TRMT6: variants seen among roughly 807,000 people sequenced by gnomAD.
TRMT6 encodes tRNA methyltransferase 6 non-catalytic subunit.
A neutral mutation model predicts 59.0 loss-of-function variants in TRMT6; 34 were observed. The observed-to-expected ratio is 0.58, with a 90% confidence interval of 0.44 to 0.77. TRMT6 has a LOEUF of 0.77. Among genes scored for constraint, TRMT6 ranks in the 30% least tolerant of loss-of-function variants. The pLI, the probability that TRMT6 is intolerant of heterozygous loss-of-function variation, is 0.00. For missense variants in TRMT6, 575 were observed against 604.5 expected, an observed-to-expected ratio of 0.95 and a Z score of 0.51; for synonymous variants, 217 against 210.5, an observed-to-expected ratio of 1.03 and a Z score of -0.27.
intron 8 of TRMT6, 105 bp from the exon 9 acceptor site, chr20:5,941,450 A>G (rs2088655349): frequency 1.3e-6 from 1 of 780,902 alleles, no homozygotes. Context: ...CATGACTCAC[A>G]AAGAGAAGAG....
In TRMT6 at chr20:5,937,743, T is replaced by C. The variant is rs2088619831; in HGVS notation, c.*792A>G. On this transcript the variant is annotated 3_prime_UTR_variant, in exon 11 of 11. Coordinates refer to ENST00000203001, the MANE Select transcript of TRMT6 (RefSeq NM_015939.5). ...CCACTTGCATGTGTATGTATATATC[T>C]GTGTATATATAAATATATGTGTGTA... 6.6e-6 allele frequency: 1 copy of C among 152,242 alleles called. No individual in the cohort carries two copies. Among genetic ancestry groups the C allele is most frequent in the Non-Finnish European group, 1.5e-5 (1 of 68,042 alleles). 9.4% of individuals were successfully genotyped at this position (152,242 alleles called of 1,614,324 possible). A position where few individuals can be genotyped will look rare whatever the true frequency, so the allele number is the denominator to read the frequency against.
intron 2 of TRMT6, 27 bp from the exon 3 acceptor site, chr20:5,944,941 A>G: frequency 1.3e-6 from 2 of 1,537,574 alleles, no homozygotes; most frequent in Non-Finnish European, 1.8e-6. Context: ...CTCTATTGAC[A>G]TTTATGGTCT....
chr20:5,948,114 C>T (rs759267841), intron 1 of TRMT6, among the ~76,000 whole-genome samples: 27 of 152,012 alleles, frequency 1.8e-4, no homozygotes, highest in Non-Finnish European at 3.7e-4. Context: ...AGTGAGATCC[C>T]GTCTCACAAA....
chr20:5,941,729 G>C, intron 8 of TRMT6: 1 of 574,444 alleles, frequency 1.7e-6, no homozygotes, highest in Non-Finnish European at 3.1e-6. Flanking sequence ...TCTTGATGCA[G>C]TGATGGAGAA....
At position 5,938,626 on chromosome 20, in the gene TRMT6, G is replaced by A. The variant is rs975157272; in HGVS notation, c.1403C>T (p.Thr468Ile). ...TVAMDNLKAD[T>I]SLKSNASTLE... ...AGTGCTTGCATTAGATTTGAGGCTG[G>A]TGTCTGCTTTAAGGTTGTCCATGGC... The change falls in exon 11 of 11, where the codon ACC (threonine) becomes ATC (isoleucine). Residue 468 changes from threonine (T) to isoleucine (I), a missense_variant. Transcript: ENST00000203001. 7.4e-6 allele frequency: 12 copies of A among 1,614,066 alleles called. No homozygotes were observed. The highest frequency in any genetic ancestry group is 9.3e-6 in the Non-Finnish European group (11 of 1,180,034).
In TRMT6 at chr20:5,942,728, T is replaced by C. The variant is rs748601597; in HGVS notation, c.726A>G (p.Ala242=). The change falls in exon 7 of 11, where the codon GCA becomes GCG. Residue 242 remains alanine, a synonymous_variant. Transcript: ENST00000203001. ...PGGGPVRAAT[A]CFGFPKSFLS... ...GAAAAGATTTGGGAAATCCAAAACA[T>C]GCTGTTGCTGCCCGAACAGGTCCTC... 1.9e-6 allele frequency: 3 copies of C among 1,614,058 alleles called. No homozygotes were observed. The highest frequency in any genetic ancestry group is 2.5e-6 in the Non-Finnish European group (3 of 1,179,998).
Position 5,941,965 on chromosome 20 carries a change from T to C in TRMT6, c.1098A>G (p.Glu366=). 6.2e-7 allele frequency: 1 copy of C among 1,613,456 alleles called. No individual in the cohort carries two copies. Among genetic ancestry groups the C allele is most frequent in the East Asian group, 2.2e-5 (1 of 44,890 alleles). ...CATCAACGCACCCATCTGCGTTTCTTTCACTCAGCAGAGCGGCAGCCTCTA... is the reference window on the plus strand; with the variant it reads ...CATCAACGCACCCATCTGCGTTTCTCTCACTCAGCAGAGCGGCAGCCTCTA... The part of the protein sequence containing the change: ...RHLEAAALLS[E]RNADGLIVAS... The change falls in exon 8 of 11, where the codon GAA becomes GAG. Residue 366 remains glutamate (E), a synonymous_variant. Transcript: ENST00000203001.
At chr20:5,944,959 T>C (rs2088692560) in intron 2 of TRMT6, 45 bp from the exon 3 acceptor site, 4 of 1,476,956 alleles carry the variant, frequency 2.7e-6, no homozygotes, top group Middle Eastern at 1.7e-4. Context: ...TCTGAAATTA[T>C]TTGACACTTT....
rs1011250518 is a variant in TRMT6 at position 5,941,360 on chromosome 20, C to T, written c.1113-15G>A. 102 of 1,590,352 alleles carry T rather than the reference C, an allele frequency of 6.4e-5. 3 individuals are homozygous for T. In the South Asian group the frequency reaches 1.1e-3, roughly 18 times the overall value. On this transcript the variant is annotated splice_polypyrimidine_tract_variant and intron_variant, in intron 8 of 10. Coordinates refer to ENST00000203001, the MANE Select transcript of TRMT6 (RefSeq NM_015939.5). ...CTACAATTAAACTGTAAGGAAAATG[C>T]CAGACAAATTATTTCTCTACACCCT...
chr20:5,946,412 T>C lies in TRMT6; in HGVS notation c.250A>G (p.Thr84Ala). 1 of 1,614,126 alleles carries C rather than the reference T, an allele frequency of 6.2e-7. No individual in the cohort carries two copies. Among genetic ancestry groups the C allele is most frequent in the Non-Finnish European group, 8.5e-7 (1 of 1,180,016 alleles). The change falls in exon 2 of 11, where the codon ACT becomes GCT. Residue 84 changes from threonine to alanine, a missense_variant. Coordinates refer to ENST00000203001, the MANE Select transcript of TRMT6 (RefSeq NM_015939.5). Reference sequence around the variant, plus strand: ...ACGCATCCAAAATGTGCACCTGCAGTAGGCTCTTCCCTCTTCTTCTTGGGC... The same window carrying C: ...ACGCATCCAAAATGTGCACCTGCAGCAGGCTCTTCCCTCTTCTTCTTGGGC... The part of the protein sequence containing the change: ...LQPKKKREEP[T>A]AETKEAGTDN...
In TRMT6 at chr20:5,942,036, T is replaced by C. The variant is rs774472454; in HGVS notation, c.1027A>G (p.Ile343Val). 2.5e-6 allele frequency: 4 copies of C among 1,611,662 alleles called. No homozygotes were observed. The highest frequency in any genetic ancestry group is 3.4e-6 in the Non-Finnish European group (4 of 1,179,660). The stretch of plus-strand genomic sequence containing the variant: ...TCTTGTCTCCTCTGTTTTTCCTGAA[T>C]CTTCAAAAAGAAAAATAAGAAATCA... The part of the protein sequence containing the change: ...PKERGSKKDY[I>V]QEKQRRQEEQ... The change falls in exon 8 of 11, where the codon ATT becomes GTT. Residue 343 changes from isoleucine to valine, a missense_variant and splice_region_variant. Ile to Val is a conservative substitution (Grantham distance 29). Transcript: ENST00000203001.
At chr20:5,942,898 T>C (rs1311022197) in intron 6 of TRMT6, 112 bp from the exon 7 acceptor site, 10 of 815,930 alleles carry the variant, frequency 1.2e-5, no homozygotes, top group Admixed American at 2.3e-5. Flanking sequence ...TAGTACTTTA[T>C]TCAGAGGCTG....
At chr20:5,942,337 T>C (rs2088663894) in intron 7 of TRMT6, 91 bp downstream of exon 7, 2 of 1,170,770 alleles carry the variant, frequency 1.7e-6, no homozygotes, top group East Asian at 4.7e-5. Flanking sequence ...TGGGAGCTAA[T>C]ACACCAAAGC....
At chr20:5,943,907 T>C (rs774160645) in intron 5 of TRMT6, 41 bp downstream of exon 5, 1 of 1,588,966 alleles carries the variant, frequency 6.3e-7, no homozygotes, top group Admixed American at 1.9e-5. Flanking sequence ...CTTAAAGACA[T>C]ATTTCCCCCA....
In TRMT6 at chr20:5,950,278, T is replaced by C. The variant is rs116942466; in HGVS notation, c.128A>G (p.Lys43Arg). The C allele has an allele frequency of 7.5e-6, 12 of 1,604,364 alleles. No individual in the cohort carries two copies. Among genetic ancestry groups the C allele is most frequent in the East Asian group, 2.3e-5 (1 of 44,096 alleles). Residue 43 changes from lysine (K) to arginine (R), a missense_variant and splice_region_variant, in exon 1 of 11, where the codon AAA (lysine) becomes AGA (arginine). Coordinates refer to ENST00000203001, the MANE Select transcript of TRMT6 (RefSeq NM_015939.5). ...VFKAVQVQRR[K>R]KVTFEKQWFY... is the part of the protein sequence containing the mutation. ...CCCTAAAATCAGCGATCTGACTTAC[T>C]TTCTCCGCTGGACTTGTACTGCTTT...
chr20:5,945,404 C>T (rs1020754225), intron 2 of TRMT6, among the ~76,000 whole-genome samples: 2 of 152,250 alleles, frequency 1.3e-5, no homozygotes, highest in African/African-American at 4.8e-5. Flanking sequence ...CGACAGATGT[C>T]TGAGTGGCTG....
At chr20:5,947,177 A>G (rs1349764290) in intron 1 of TRMT6, among the ~76,000 whole-genome samples, 1 of 152,220 alleles carries the variant, frequency 6.6e-6, no homozygotes, top group Non-Finnish European at 1.5e-5. Flanking sequence ...CACAGTTGCA[A>G]GGTGTTGTTG....
intron 1 of TRMT6, among the ~76,000 whole-genome samples, chr20:5,946,829 T>C (rs991194901): frequency 2.6e-5 from 4 of 152,202 alleles, no homozygotes; most frequent in Admixed American, 6.5e-5. Flanking sequence ...TTGAAAATTA[T>C]CTAATAAAAG....
At chr20:5,945,756 C>T (rs1391188154) in intron 2 of TRMT6, among the ~76,000 whole-genome samples, 2 of 152,038 alleles carry the variant, frequency 1.3e-5, no homozygotes, top group East Asian at 1.9e-4. Flanking sequence ...TAATAAGATA[C>T]TCTCAATGTT....
Sources: gnomAD v4.1 joint callset for allele counts (sites outside exome capture counted in the v4.1 genomes callset) on GRCh38, gnomAD v4.1.1 for gene constraint, MANE v1.5 for transcripts, NCBI Gene and HGNC (gene_info 2026-07-23, HGNC 2026-07-21) for gene names.